The following EIF2B2 variants were observed in gnomAD, a reference collection of about 807,000 sequenced individuals.
The protein encoded by EIF2B2 is translation initiation factor eIF2B subunit beta.
In EIF2B2, 34 loss-of-function variants were observed where a neutral mutation model predicts 34.7. The ratio of observed to expected loss-of-function variants is 0.98; its 90% CI spans 0.75 to 1.31. The LOEUF (loss-of-function observed/expected upper bound fraction) is 1.31, where lower values mean the gene tolerates loss of function less well. EIF2B2 is among the 50% of genes most tolerant of loss of function. The pLI is 0.00. For synonymous variants in EIF2B2, 155 were observed against 171.6 expected, an observed-to-expected ratio of 0.90 and a Z score of 0.76; for missense variants, 361 against 447.7, an observed-to-expected ratio of 0.81 and a Z score of 1.75.
At position 75,009,752 on chromosome 14, in the gene EIF2B2, GGAGGCTGAGGTGGGAGGCTTGTTT is replaced by G. The variant is rs1273584765; in HGVS notation, c.*571_*594del. 6.6e-6 allele frequency: 1 copy of G among 150,378 alleles called. No homozygotes were observed. The highest frequency in any genetic ancestry group is 2.0e-4 in the East Asian group (1 of 5,068). The allele number at this position is 150,378 out of a possible 1,614,324, so 9.3% of individuals were successfully genotyped here. ...CTCCCACTTGTAATCCTGGACTTTG[GGAGGCTGAGGTGGGAGGCTTGTTT>G]GAGGCTTGTTTGAGGCCTGGAGTTT... On this transcript the variant is annotated 3_prime_UTR_variant, in exon 8 of 8. Coordinates refer to ENST00000266126, the MANE Select transcript of EIF2B2 (RefSeq NM_014239.4).
rs772745651 is a variant in EIF2B2 at position 75,003,343 on chromosome 14, G to A, written c.232G>A (p.Val78Met). 3 of 1,614,018 alleles carry A rather than the reference G, an allele frequency of 1.9e-6. No individual in the cohort carries two copies. Among genetic ancestry groups the A allele is most frequent in the South Asian group, 1.1e-5 (1 of 91,054 alleles). ...MTAAQPSETTVGNMVRRVLKI... is the reference protein window; with the variant it reads ...MTAAQPSETTMGNMVRRVLKI... ...GGCCGCTCAGCCCTCCGAGACCACC[G>A]TGGGCAACATGGTGCGGAGAGTGCT... The change falls in exon 2 of 8, where the codon GTG becomes ATG. Residue 78 changes from valine (V) to methionine (M), a missense_variant. Transcript: ENST00000266126.
chr14:75,005,189 C>G, intron 4 of EIF2B2: 1 of 364,324 alleles, frequency 2.7e-6, no homozygotes, highest in Non-Finnish European at 5.4e-6. Flanking sequence ...GCAGCCTGGC[C>G]AACATGACAA....
chr14:75,004,930 A>G lies in EIF2B2; in HGVS notation c.597+30A>G. On this transcript the variant is annotated intron_variant, in intron 4 of 7. Transcript: ENST00000266126. ...GGAGACTGCTGGAGTTGCTACTAAG[A>G]AAAATGAAAAATGAAGAAGAAATAA... is the stretch of plus-strand genomic sequence containing the variant. The G allele has an allele frequency of 1.9e-6, 3 of 1,605,532 alleles. No homozygotes were observed. In the South Asian group the frequency reaches 3.3e-5, roughly 18 times the overall value.
chr14:75,009,371 TG>T lies in EIF2B2; in HGVS notation c.*184del, dbSNP rs2139258064. ...CGTAACAAGGGCACACATCCAGGAC[TG>T]TGTCTTGCCTTTCAGATCTTAACAG... is the stretch of plus-strand genomic sequence containing the variant. On this transcript the variant is annotated 3_prime_UTR_variant, in exon 8 of 8. Coordinates refer to ENST00000266126, the MANE Select transcript of EIF2B2 (RefSeq NM_014239.4). The T allele has an allele frequency of 1.5e-6, 1 of 668,210 alleles. No individual in the cohort carries two copies. The highest frequency in any genetic ancestry group is 1.8e-5 in the African/African-American group (1 of 56,466). 41.4% of individuals were successfully genotyped at this position (668,210 alleles called of 1,614,324 possible). A position where few individuals can be genotyped will look rare whatever the true frequency, so the allele number is the denominator to read the frequency against.
At chr14:75,005,213 C>T (rs1889609870) in intron 4 of EIF2B2, 1 of 350,818 alleles carries the variant, frequency 2.9e-6, no homozygotes, top group Non-Finnish European at 5.6e-6. Context: ...CCCGTCTCCA[C>T]TAAAAATACA....
At chr14:75,007,467 TCATC>T (rs1335991351) in intron 6 of EIF2B2, 10 of 400,884 alleles carry the variant, frequency 2.5e-5, no homozygotes, top group African/African-American at 2.1e-4. Context: ...TTTTCAAAGT[TCATC>T]CATGTTGTAA....
At position 75,002,960 on chromosome 14, in the gene EIF2B2, C is replaced by T. The variant is rs1225373823; in HGVS notation, c.-31C>T. On this transcript the variant is annotated 5_prime_UTR_variant, in exon 1 of 8. Coordinates refer to ENST00000266126, the MANE Select transcript of EIF2B2 (RefSeq NM_014239.4). Reference sequence around the variant, plus strand: ...TGTGGTCTGGCAGGTGTGGATTCCGCCGGTGAAGGCTGAAGGCAGCTACCT... The same window carrying T: ...TGTGGTCTGGCAGGTGTGGATTCCGTCGGTGAAGGCTGAAGGCAGCTACCT... The T allele has an allele frequency of 5.6e-6, 9 of 1,613,414 alleles. No individual in the cohort carries two copies. In the South Asian group the frequency reaches 8.8e-5, roughly 16 times the overall value.
chr14:75,006,468 AC>A lies in EIF2B2; in HGVS notation c.694-105del. Reference sequence around the variant, plus strand: ...ATCCCTTCACCTCTACCAGTCTGTGACCCCTCACGATACCAATTCTGAGGTC... The same window carrying A: ...ATCCCTTCACCTCTACCAGTCTGTGACCCTCACGATACCAATTCTGAGGTC... On this transcript the variant is annotated intron_variant, in intron 5 of 7. Coordinates refer to ENST00000266126, the MANE Select transcript of EIF2B2 (RefSeq NM_014239.4). This position sits in a 1 kb window ranked among gnomAD's most constrained non-coding sequence, Gnocchi z 4.1. 1 of 1,498,354 alleles carries A rather than the reference AC, an allele frequency of 6.7e-7. No homozygotes were observed. The highest frequency in any genetic ancestry group is 9.1e-7 in the Non-Finnish European group (1 of 1,093,960). 92.8% of individuals were successfully genotyped at this position (1,498,354 alleles called of 1,614,324 possible).
Position 75,009,370 on chromosome 14 carries a change from C to A in EIF2B2, c.*182C>A. On this transcript the variant is annotated 3_prime_UTR_variant, in exon 8 of 8. Coordinates refer to ENST00000266126, the MANE Select transcript of EIF2B2 (RefSeq NM_014239.4). ...CCGTAACAAGGGCACACATCCAGGA[C>A]TGTGTCTTGCCTTTCAGATCTTAAC... The A allele has an allele frequency of 1.5e-6, 1 of 668,994 alleles. No individual in the cohort carries two copies. Among genetic ancestry groups the A allele is most frequent in the Non-Finnish European group, 2.6e-6 (1 of 379,216 alleles). The allele number at this position is 668,994 out of a possible 1,614,324, so 41.4% of individuals were successfully genotyped here.
At chr14:75,008,572 A>C (rs175045) in intron 7 of EIF2B2, 115,394 of 266,972 alleles carry the variant, frequency 0.43, 26,099 homozygotes, top group Middle Eastern at 0.52. Context: ...GATGTGGTAG[A>C]AAGTGGCTAG....
At chr14:75,007,247 C>A in intron 6 of EIF2B2, 1 of 370,904 alleles carries the variant, frequency 2.7e-6, no homozygotes, top group Admixed American at 3.5e-5. Flanking sequence ...CTAGTACATT[C>A]ACAGCATTGT....
intron 3 of EIF2B2, 46 bp from the exon 4 acceptor site, chr14:75,004,691 T>TATA (rs1566872954): frequency 2.4e-3 from 150 of 62,600 alleles, no homozygotes; most frequent in Middle Eastern, 5.2e-3. Flanking sequence ...ATATATATAT[T>TATA]TTTTTTTTTT....
intron 7 of EIF2B2, among the ~76,000 whole-genome samples, 159 bp downstream of exon 7, chr14:75,007,947 A>T (rs1449396304): frequency 6.6e-6 from 1 of 152,192 alleles, no homozygotes; most frequent in East Asian, 1.9e-4. Flanking sequence ...TTTCTTTAGA[A>T]GCTCAAAGTG....
At position 75,004,613 on chromosome 14, in the gene EIF2B2, G is replaced by A. The variant is rs116382375; in HGVS notation, c.434-124G>A. 4.0e-3 allele frequency: 1,225 copies of A among 309,204 alleles called. 20 individuals are homozygous for A. The highest frequency in any genetic ancestry group is 0.027 in the African/African-American group (1,106 of 40,972). 19.2% of individuals were successfully genotyped at this position (309,204 alleles called of 1,614,324 possible). ...TGCTAGGTGGGCAGTGCATGTGAAG[G>A]GCAGACATCTTTTTCCGTATACGCG... On this transcript the variant is annotated intron_variant, in intron 3 of 7. Transcript: ENST00000266126.
At chr14:75,008,688 G>C (rs1288046179) in intron 7 of EIF2B2, among the ~76,000 whole-genome samples, 3 of 152,164 alleles carry the variant, frequency 2.0e-5, no homozygotes, top group Non-Finnish European at 4.4e-5. Context: ...GCTGGTGCAG[G>C]GGCTTAGCCA....
chr14:75,007,058 C>T (rs1357784705), intron 6 of EIF2B2: 4 of 485,296 alleles, frequency 8.2e-6, no homozygotes, highest in Non-Finnish European at 1.6e-5. Context: ...GTTATTGTTG[C>T]AGGGCCTGTC....
In EIF2B2 at chr14:75,009,466, A is replaced by G. The variant is rs1889675037; in HGVS notation, c.*278A>G. 2 of 453,438 alleles carry G rather than the reference A, an allele frequency of 4.4e-6. No homozygotes were observed. The highest frequency in any genetic ancestry group is 8.2e-6 in the Non-Finnish European group (2 of 243,886). The allele number at this position is 453,438 out of a possible 1,614,324, so 28.1% of individuals were successfully genotyped here. The stretch of plus-strand genomic sequence containing the variant: ...CTGGTTGCGTCTGTGTCAGGAACTT[A>G]AACTTTCTGGTTCAGTAGTGTGTTA... On this transcript the variant is annotated 3_prime_UTR_variant, in exon 8 of 8. Coordinates refer to ENST00000266126, the MANE Select transcript of EIF2B2 (RefSeq NM_014239.4).
intron 5 of EIF2B2, 30 bp downstream of exon 5, chr14:75,005,991 A>T: frequency 6.5e-7 from 1 of 1,530,826 alleles, no homozygotes; most frequent in Non-Finnish European, 9.1e-7. Context: ...TGTTGAATTC[A>T]TGAAGATTAT....
intron 6 of EIF2B2, chr14:75,007,389 C>T (rs974553087): frequency 2.9e-5 from 10 of 345,202 alleles, no homozygotes; most frequent in Non-Finnish European, 4.5e-5. Context: ...TGGATTTGCC[C>T]ATTTTGTATA....
Sources: allele counts gnomAD v4.1 joint callset (sites outside exome capture counted in the v4.1 genomes callset), GRCh38; gene constraint gnomAD v4.1.1; non-coding constraint Gnocchi (gnomAD v3.1); transcripts MANE v1.5; gene names NCBI Gene and HGNC (gene_info 2026-07-23, HGNC 2026-07-21).